COP1: variants seen among roughly 807,000 people sequenced by gnomAD.
The protein encoded by COP1 is E3 ubiquitin-protein ligase COP1.
COP1 carries 24 observed loss-of-function variants against 101.3 expected under a neutral mutation model. That is an observed-to-expected ratio of 0.24 (90% confidence interval 0.17 to 0.33). The LOEUF (loss-of-function observed/expected upper bound fraction) is 0.33. COP1 is among the 10% of genes least tolerant of loss of function. COP1 has a pLI of 1.00. For missense variants in COP1, 663 were observed against 906.2 expected (o/e 0.73, Z 3.45); for synonymous variants, 347 against 341.9 (o/e 1.01, Z -0.17).
At chr1:175,945,959 A>G (rs1364850737) in intron 19 of COP1, among the ~76,000 whole-genome samples, 1 of 152,208 alleles carries the variant, frequency 6.6e-6, no homozygotes, top group African/African-American at 2.4e-5. Context: ...ACAAAATCTT[A>G]GATTTGTCAG....
intron 15 of COP1, among the ~76,000 whole-genome samples, chr1:176,001,508 AAAT>A (rs757463508): frequency 5.7e-4 from 87 of 152,294 alleles, no homozygotes; most frequent in Non-Finnish European, 1.1e-3. Flanking sequence ...AGTGATGTAA[AAAT>A]AATAATAAAA....
At chr1:176,162,181 T>C (rs1694440580) in intron 5 of COP1, among the ~76,000 whole-genome samples, 3 of 152,178 alleles carry the variant, frequency 2.0e-5, no homozygotes, top group Non-Finnish European at 2.9e-5. Context: ...TTCTCAAAGT[T>C]TGGTGGTTCA....
At chr1:175,952,614 T>C (rs903449925) in intron 18 of COP1, among the ~76,000 whole-genome samples, 2 of 151,606 alleles carry the variant, frequency 1.3e-5, no homozygotes, top group Non-Finnish European at 2.9e-5. Context: ...AACTCTGATC[T>C]AAAAAAGGGA....
rs942586223 is a variant in COP1, at chr1:176,207,237, T to C, written c.-259A>G. The C allele has an allele frequency of 1.3e-5, 5 of 397,982 alleles. No individual in the cohort carries two copies. Among genetic ancestry groups the C allele is most frequent in the South Asian group, 1.2e-4 (1 of 8,094 alleles). The allele number at this position is 397,982 out of a possible 1,614,324, so 24.7% of individuals were successfully genotyped here. A position where few individuals can be genotyped will look rare whatever the true frequency, so the allele number is the denominator to read the frequency against. The stretch of plus-strand genomic sequence containing the variant: ...GCCGCCGCCGCCACCGCGGTCCCTG[T>C]AGCAGCCAACCCCGGCGCGCCGTGG... On this transcript the variant is annotated 5_prime_UTR_variant, in exon 1 of 20. Coordinates refer to ENST00000367669, the MANE Select transcript of COP1 (RefSeq NM_022457.7).
chr1:176,172,305 G>A (rs61821035), intron 3 of COP1, among the ~76,000 whole-genome samples: 10,231 of 152,248 alleles, frequency 0.067, 427 homozygotes, highest in Middle Eastern at 0.12. Flanking sequence ...GCCTTCCAAA[G>A]TGTTAGGATT....
chr1:176,077,285 T>A (rs1678226988), intron 11 of COP1, among the ~76,000 whole-genome samples: 1 of 152,162 alleles, frequency 6.6e-6, no homozygotes, highest in African/African-American at 2.4e-5. Context: ...CAGGAGCACA[T>A]CAAAAGTTAA....
intron 9 of COP1, among the ~76,000 whole-genome samples, chr1:176,102,535 C>A (rs1430651562): frequency 6.6e-6 from 1 of 152,172 alleles, no homozygotes; most frequent in Non-Finnish European, 1.5e-5. Flanking sequence ...TCCAAGCTGT[C>A]CTTTTTCATT....
Position 176,046,334 on chromosome 1 carries a change from A to G in COP1, c.1278-10T>C. The G allele has an allele frequency of 6.2e-7, 1 of 1,604,366 alleles. No homozygotes were observed. The highest frequency in any genetic ancestry group is 8.5e-7 in the Non-Finnish European group (1 of 1,177,358). The stretch of plus-strand genomic sequence containing the variant: ...CCGGTCAAATTCAATACTAAGGGGA[A>G]AAAGTATGTAATGACAACATTTCAG... On this transcript the variant is annotated splice_polypyrimidine_tract_variant and intron_variant, in intron 11 of 19. Transcript: ENST00000367669.
intron 11 of COP1, among the ~76,000 whole-genome samples, chr1:176,080,233 T>C (rs978498618): frequency 6.6e-6 from 1 of 152,134 alleles, no homozygotes; most frequent in African/African-American, 2.4e-5. Flanking sequence ...TATATTAAAA[T>C]GGAAAAGTAT....
At chr1:176,021,557 T>A (rs753079472) in intron 15 of COP1, among the ~76,000 whole-genome samples, 49 of 152,316 alleles carry the variant, frequency 3.2e-4, no homozygotes, top group Non-Finnish European at 4.9e-4. Context: ...AATTTTTTAA[T>A]CATTAAAAAT....
chr1:175,998,087 A>G (rs1172225822), intron 15 of COP1, among the ~76,000 whole-genome samples: 11 of 110,056 alleles, frequency 1.0e-4, no homozygotes, highest in Admixed American at 4.0e-4. Flanking sequence ...AAAAAAAAAA[A>G]AAAGAAAATG....
At chr1:176,044,853 C>G (rs1571890950) in intron 12 of COP1, among the ~76,000 whole-genome samples, 1 of 152,154 alleles carries the variant, frequency 6.6e-6, no homozygotes, top group Non-Finnish European at 1.5e-5. Flanking sequence ...TTTACACATA[C>G]AAATACAGAA....
intron 18 of COP1, among the ~76,000 whole-genome samples, chr1:175,964,526 A>T (rs1228693592): frequency 1.3e-5 from 2 of 152,238 alleles, no homozygotes; most frequent in Non-Finnish European, 1.5e-5. Context: ...AATACTATTT[A>T]CATTTGTCCT....
chr1:176,174,339 C>T (rs1256867405), intron 3 of COP1, among the ~76,000 whole-genome samples: 1 of 152,122 alleles, frequency 6.6e-6, no homozygotes, highest in Non-Finnish European at 1.5e-5. Context: ...AGGATTTTGC[C>T]CTACAGGATG....
intron 18 of COP1, among the ~76,000 whole-genome samples, chr1:175,978,910 T>A (rs1369342432): frequency 6.6e-6 from 1 of 152,196 alleles, no homozygotes; most frequent in East Asian, 1.9e-4. Context: ...TAGCATTTTT[T>A]AATTAACACA....
intron 3 of COP1, among the ~76,000 whole-genome samples, chr1:176,173,705 A>C (rs1696470424): frequency 6.6e-6 from 1 of 151,408 alleles, no homozygotes; most frequent in Non-Finnish European, 1.5e-5. Context: ...AGAATATCTA[A>C]GGCCAGGCGC....
At chr1:175,994,424 G>C (rs1282446012) in intron 15 of COP1, among the ~76,000 whole-genome samples, 1 of 152,140 alleles carries the variant, frequency 6.6e-6, no homozygotes, top group Non-Finnish European at 1.5e-5. Context: ...TGGACTAAAT[G>C]CTCCAATGAA....
Position 175,945,040 on chromosome 1 carries a change from AC to A in COP1, c.*112del. ...AAAAAATATTCAAAACAAATCCAAA[AC>A]CCATGATGACTTTGGGGAGAGACAT... On this transcript the variant is annotated 3_prime_UTR_variant, in exon 20 of 20. Coordinates refer to ENST00000367669, the MANE Select transcript of COP1 (RefSeq NM_022457.7). 14 of 840,434 alleles carry A rather than the reference AC, an allele frequency of 1.7e-5. No individual in the cohort carries two copies. The highest frequency in any genetic ancestry group is 1.3e-4 in the South Asian group (8 of 63,342). The allele number at this position is 840,434 out of a possible 1,614,324, so 52.1% of individuals were successfully genotyped here.
intron 12 of COP1, among the ~76,000 whole-genome samples, chr1:176,044,272 T>C (rs1365945262): frequency 2.0e-5 from 3 of 152,218 alleles, no homozygotes; most frequent in African/African-American, 7.2e-5. Context: ...CCCAAAAGTC[T>C]TGACTTGACT....
Sources: gnomAD v4.1 joint callset for allele counts (sites outside exome capture counted in the v4.1 genomes callset) on GRCh38, gnomAD v4.1.1 for gene constraint, MANE v1.5 for transcripts, NCBI Gene and HGNC (gene_info 2026-07-23, HGNC 2026-07-21) for gene names.